Variants in TCN1 observed in about 807,000 individuals in gnomAD.
TCN1 encodes transcobalamin-1.
TCN1 carries 47 observed loss-of-function variants against 46.3 expected under a neutral mutation model. That is an observed-to-expected ratio of 1.01 (90% CI 0.80 to 1.29). The LOEUF (loss-of-function observed/expected upper bound fraction) is 1.29. Among genes scored for constraint, TCN1 ranks in the 50% most tolerant of loss-of-function variants. The probability of loss-of-function intolerance (pLI) is 0.00; values close to 1 mark genes in which losing one functional copy is unlikely to be tolerated. For synonymous variants in TCN1, 183 were observed against 192.5 expected (o/e 0.95, Z 0.41); for missense variants, 532 against 511.0 (o/e 1.04, Z -0.40).
intron 1 of TCN1, 44 bp from the exon 2 acceptor site, chr11:59,864,130 A>T: frequency 6.3e-7 from 1 of 1,598,468 alleles, no homozygotes; most frequent in Middle Eastern, 1.7e-4. Flanking sequence ...TACTCAGAAA[A>T]TAGTAAGACT....
Position 59,861,715 on chromosome 11 carries a change from T to G in TCN1, c.401-33A>C, listed in dbSNP as rs746626240. The G allele has an allele frequency of 4.4e-6, 7 of 1,609,044 alleles. No individual in the cohort carries two copies. The African/African-American group carries it at 9.4e-5, about 22-fold the overall frequency. ...AGAGAAGAAATACCTCCCTTAATCA[T>G]GGAAGTGGTAATGGCGTATGCATTT... On this transcript the variant is annotated intron_variant, in intron 3 of 8. Transcript: ENST00000257264.
Position 59,866,443 on chromosome 11 carries a change from C to T in TCN1, c.28G>A (p.Val10Met). 6.2e-7 allele frequency: 1 copy of T among 1,613,514 alleles called. No homozygotes were observed. The highest frequency in any genetic ancestry group is 8.5e-7 in the Non-Finnish European group (1 of 1,179,506). The change falls in exon 1 of 9, where the codon GTG becomes ATG. Residue 10 changes from valine to methionine, a missense_variant. Transcript: ENST00000257264. ...ATAAAAGAAAACAGTAAGAGCCCCA[C>T]TAGGGGCAGCTGGTGTGACTGTCTC... MRQSHQLPLVGLLLFSFIPS... is the reference protein window; with the variant it reads MRQSHQLPLMGLLLFSFIPS...
Position 59,853,197 on chromosome 11 carries a change from C to T in TCN1, c.1240+6G>A, listed in dbSNP as rs1405335194. 3 of 1,613,966 alleles carry T rather than the reference C, an allele frequency of 1.9e-6. No homozygotes were observed. Among genetic ancestry groups the T allele is most frequent in the African/African-American group, 1.3e-5 (1 of 74,912 alleles). ...CATGGGTCTTTTTGGCATGTCTCTC[C>T]CTTACCTTGGCTCAGTGGTTCGCCT... On this transcript the variant is annotated splice_donor_region_variant and intron_variant, in intron 8 of 8. Coordinates refer to ENST00000257264, the MANE Select transcript of TCN1 (RefSeq NM_001062.4).
In TCN1 at chr11:59,855,583, C is replaced by CCTT. The variant is rs567144001; in HGVS notation, c.937+283_937+285dup. 2.4e-3 allele frequency among the ~76,000 whole-genome samples: 373 copies of CCTT among 152,310 alleles called. 1 individual carries two copies. The highest frequency in any genetic ancestry group is 0.01 in the Middle Eastern group (3 of 294). Reference sequence around the variant, plus strand: ...TTTAGGATGAGAATGATGCTCAGATCCTTCTATATCCAACAGTCAGAAAAT... The same window carrying CCTT: ...TTTAGGATGAGAATGATGCTCAGATCCTTCTTCTATATCCAACAGTCAGAAAAT... On this transcript the variant is annotated intron_variant, in intron 6 of 8. Transcript: ENST00000257264.
At position 59,866,458 on chromosome 11, in the gene TCN1, G is replaced by T; in HGVS notation, c.13C>A (p.His5Asn). The T allele has an allele frequency of 6.2e-7, 1 of 1,613,490 alleles. No homozygotes were observed. Among genetic ancestry groups the T allele is most frequent in the Non-Finnish European group, 8.5e-7 (1 of 1,179,480 alleles). MRQS[H>N]QLPLVGLLLF... ...AAGAGCCCCACTAGGGGCAGCTGGT[G>T]TGACTGTCTCATCTCTCCAACAGTG... The change falls in exon 1 of 9, where the codon CAC (histidine) becomes AAC (asparagine). Residue 5 changes from histidine (H) to asparagine (N), a missense_variant. His to Asn is a moderately conservative substitution (Grantham distance 68). Coordinates refer to ENST00000257264, the MANE Select transcript of TCN1 (RefSeq NM_001062.4).
At chr11:59,858,217 GCTA>G (rs1168603896) in intron 5 of TCN1, among the ~76,000 whole-genome samples, 8 of 152,148 alleles carry the variant, frequency 5.3e-5, no homozygotes, top group Non-Finnish European at 4.4e-5. Context: ...CTGATAACCG[GCTA>G]CTAAGTGATT....
At chr11:59,864,200 C>T in intron 1 of TCN1, 114 bp from the exon 2 acceptor site, 3 of 1,177,822 alleles carry the variant, frequency 2.5e-6, no homozygotes, top group Non-Finnish European at 3.7e-6. Flanking sequence ...TAGACCAATC[C>T]AGTGGCTGCA....
chr11:59,863,865 G>A lies in TCN1; in HGVS notation c.259+42C>T, dbSNP rs767183406. 3.1e-6 allele frequency: 5 copies of A among 1,607,750 alleles called. No individual in the cohort carries two copies. In the East Asian group the frequency reaches 1.1e-4, roughly 36 times the overall value. On this transcript the variant is annotated intron_variant, in intron 2 of 8. Transcript: ENST00000257264. Reference sequence around the variant, plus strand: ...TTAGTTGCAGATAATCTTTAAATAGGTAGATTTTTTTCTAAATCTTCCAGA... The same window carrying A: ...TTAGTTGCAGATAATCTTTAAATAGATAGATTTTTTTCTAAATCTTCCAGA...
intron 5 of TCN1, among the ~76,000 whole-genome samples, chr11:59,858,694 C>T (rs954747628): frequency 1.2e-4 from 19 of 152,276 alleles, no homozygotes; most frequent in Middle Eastern, 3.4e-3. Flanking sequence ...ACTGGCTGGG[C>T]GCAGTGGCCC....
chr11:59,865,822 G>A (rs1334033750), intron 1 of TCN1, among the ~76,000 whole-genome samples: 1 of 152,012 alleles, frequency 6.6e-6, no homozygotes, highest in African/African-American at 2.4e-5. Context: ...ACAATCTCTG[G>A]GGTCAACACC....
At position 59,861,665 on chromosome 11, in the gene TCN1, G is replaced by T; in HGVS notation, c.418C>A (p.Pro140Thr). 1 of 1,614,138 alleles carries T rather than the reference G, an allele frequency of 6.2e-7. No homozygotes were observed. Among genetic ancestry groups the T allele is most frequent in the East Asian group, 2.2e-5 (1 of 44,878 alleles). The change falls in exon 4 of 9, where the codon CCC (proline) becomes ACC (threonine). Residue 140 changes from proline to threonine, a missense_variant. Transcript: ENST00000257264. Reference sequence around the variant, plus strand: ...CTGAGCTGGTAGTAGTTAGTCAGGGGAGTGCCATTGTGTGCTTCTAGAAAA... The same window carrying T: ...CTGAGCTGGTAGTAGTTAGTCAGGGTAGTGCCATTGTGTGCTTCTAGAAAA... ...IENMEAHNGT[P>T]LTNYYQLSLD...
Position 59,862,700 on chromosome 11 carries a change from C to T in TCN1, c.282G>A (p.Glu94=). The part of the protein sequence containing the change: ...KSRLSDVSSG[E]LALIILALGV... ...CCAAAGCCAGTATAATCAAGGCAAG[C>T]TCTCCCGAGCTTACATCTGACACTG... Residue 94 remains glutamate, a synonymous_variant, in exon 3 of 9, where the codon GAG becomes GAA. Transcript: ENST00000257264. 2.5e-6 allele frequency: 4 copies of T among 1,613,698 alleles called. No homozygotes were observed. The highest frequency in any genetic ancestry group is 3.4e-6 in the Non-Finnish European group (4 of 1,179,824).
chr11:59,854,749 T>C lies in TCN1; in HGVS notation c.1024A>G (p.Ile342Val). ...ACATTGGTGAAATATGTTTCATTGATTCTCACAGAGTAATTGACGGAGATA... is the reference window on the plus strand; with the variant it reads ...ACATTGGTGAAATATGTTTCATTGACTCTCACAGAGTAATTGACGGAGATA... ...SYISVNYSVRINETYFTNVTV... is the reference protein window; with the variant it reads ...SYISVNYSVRVNETYFTNVTV... Residue 342 changes from isoleucine (I) to valine (V), a missense_variant, in exon 7 of 9, where the codon ATC becomes GTC. Physicochemically the swap from Ile to Val is conservative, Grantham distance 29. Coordinates refer to ENST00000257264, the MANE Select transcript of TCN1 (RefSeq NM_001062.4). The C allele has an allele frequency of 1.2e-6, 2 of 1,614,050 alleles. No individual in the cohort carries two copies. The highest frequency in any genetic ancestry group is 1.7e-6 in the Non-Finnish European group (2 of 1,179,924).
At chr11:59,863,176 C>T (rs1853035731) in intron 2 of TCN1, among the ~76,000 whole-genome samples, 1 of 152,116 alleles carries the variant, frequency 6.6e-6, no homozygotes, top group Non-Finnish European at 1.5e-5. Context: ...ATATTTGATT[C>T]CTCTCTTCTT....
chr11:59,855,243 G>T (rs750496917), intron 6 of TCN1, among the ~76,000 whole-genome samples: 4 of 151,976 alleles, frequency 2.6e-5, no homozygotes, highest in Admixed American at 1.3e-4. Flanking sequence ...TACATGGATT[G>T]TCTCATTCAA....
Position 59,854,815 on chromosome 11 carries a change from C to A in TCN1, c.958G>T (p.Asp320Tyr), listed in dbSNP as rs375129617. The change falls in exon 7 of 9, where the codon GAT (aspartate) becomes TAT (tyrosine). Residue 320 changes from aspartate to tyrosine, a missense_variant. By Grantham distance (160) the Asp-to-Tyr change is radical (BLOSUM62 -3). Transcript: ENST00000257264. ...SASGNFNISA[D>Y]EPITVTPPDS... The stretch of plus-strand genomic sequence containing the variant: ...GGAGGTGTCACAGTTATAGGCTCAT[C>A]AGCGGAGATGTTGAAGTTACCTGGC... 1 of 1,613,834 alleles carries A rather than the reference C, an allele frequency of 6.2e-7. No homozygotes were observed. The highest frequency in any genetic ancestry group is 8.5e-7 in the Non-Finnish European group (1 of 1,179,886).
intron 5 of TCN1, among the ~76,000 whole-genome samples, chr11:59,858,401 G>A (rs961692423): frequency 6.6e-6 from 1 of 152,186 alleles, no homozygotes; most frequent in African/African-American, 2.4e-5. Flanking sequence ...CTGAAACTGT[G>A]GAAAGTGAAA....
At position 59,859,188 on chromosome 11, in the gene TCN1, G is replaced by A; in HGVS notation, c.636C>T (p.Gly212=). ...LINGQIKADE[G]SLKNISIYTK... ...TATAAATACTGATGTTCTTTAAACT[G>A]CCTTCATCTGCTTTGATCTGCCCAT... The change falls in exon 5 of 9, where the codon GGC becomes GGT. Residue 212 remains glycine (G), a synonymous_variant. Coordinates refer to ENST00000257264, the MANE Select transcript of TCN1 (RefSeq NM_001062.4). The A allele has an allele frequency of 1.2e-6, 2 of 1,613,882 alleles. No homozygotes were observed. The highest frequency in any genetic ancestry group is 2.2e-5 in the South Asian group (2 of 91,080).
chr11:59,853,270 G>T lies in TCN1; in HGVS notation c.1173C>A (p.Gly391=). 6.2e-7 allele frequency: 1 copy of T among 1,614,038 alleles called. No individual in the cohort carries two copies. Among genetic ancestry groups the T allele is most frequent in the African/African-American group, 1.3e-5 (1 of 74,970 alleles). ...TTCTGTCATTATTGTTGGCACATAG[G>T]CCCTGAATACAGGTGATATAGGGCC... ...SWGPYITCIQ[G]LCANNNDRTY... Residue 391 remains glycine (G), a synonymous_variant, in exon 8 of 9, where the codon GGC becomes GGA. Coordinates refer to ENST00000257264, the MANE Select transcript of TCN1 (RefSeq NM_001062.4).
Sources: allele counts gnomAD v4.1 joint callset (sites outside exome capture counted in the v4.1 genomes callset), GRCh38; gene constraint gnomAD v4.1.1; transcripts MANE v1.5; gene names NCBI Gene and HGNC (gene_info 2026-07-23, HGNC 2026-07-21).